The following ARHGAP44 variants were observed in gnomAD, a reference collection of about 807,000 sequenced individuals.
ARHGAP44 encodes the protein rho GTPase-activating protein 44.
A neutral mutation model predicts 106.8 loss-of-function variants in ARHGAP44; 43 were observed. The observed-to-expected ratio is 0.40, with a 90% CI of 0.32 to 0.52. The LOEUF (loss-of-function observed/expected upper bound fraction) is 0.52, where lower values mean the gene tolerates loss of function less well. Ranked by LOEUF, ARHGAP44 falls within the 20% of genes least tolerant of loss-of-function variation. The probability of loss-of-function intolerance (pLI) is 0.48; values close to 1 mark genes in which losing one functional copy is unlikely to be tolerated. For missense variants in ARHGAP44, 866 were observed against 1,050.5 expected, an observed-to-expected ratio of 0.82 and a Z score of 2.43; for synonymous variants, 439 against 410.3, an observed-to-expected ratio of 1.07 and a Z score of -0.85.
At chr17:12,963,504 T>G (rs1180491014) in intron 16 of ARHGAP44, among the ~76,000 whole-genome samples, 2 of 152,244 alleles carry the variant, frequency 1.3e-5, no homozygotes, top group African/African-American at 4.8e-5. Context: ...TTCTGGAGTC[T>G]TCAACCCAAG....
chr17:12,910,164 T>C (rs2037682006), intron 4 of ARHGAP44, among the ~76,000 whole-genome samples: 1 of 151,912 alleles, frequency 6.6e-6, no homozygotes. Context: ...TAGTTAAGGC[T>C]ACATGAAATA....
Position 12,990,019 on chromosome 17 carries a change from T to C in ARHGAP44, c.2318-13T>C. 1 of 1,594,882 alleles carries C rather than the reference T, an allele frequency of 6.3e-7. No homozygotes were observed. Among genetic ancestry groups the C allele is most frequent in the Non-Finnish European group, 8.6e-7 (1 of 1,163,730 alleles). The stretch of plus-strand genomic sequence containing the variant: ...GCCTCCTTTCAACCACCTCTCTCTC[T>C]GCCGCCTTCCAGATCTTGTCCACTT... On this transcript the variant is annotated splice_polypyrimidine_tract_variant and intron_variant, in intron 20 of 20. Coordinates refer to ENST00000379672, the MANE Select transcript of ARHGAP44 (RefSeq NM_014859.6).
intron 19 of ARHGAP44, among the ~76,000 whole-genome samples, chr17:12,984,143 G>T (rs1156582621): frequency 1.3e-5 from 2 of 152,140 alleles, no homozygotes; most frequent in African/African-American, 4.8e-5. Flanking sequence ...GCTGGACCCT[G>T]CCCCACTGAC....
intron 4 of ARHGAP44, among the ~76,000 whole-genome samples, chr17:12,914,652 C>T (rs1017387378): frequency 6.6e-5 from 10 of 151,932 alleles, no homozygotes; most frequent in South Asian, 2.1e-4. Context: ...AAAAATTAGC[C>T]GGGTGTGGTG....
Position 12,939,661 on chromosome 17 carries a change from T to C in ARHGAP44, c.583-1395T>C, listed in dbSNP as rs537969990. Among the ~76,000 whole-genome samples the C allele has an allele frequency of 1.6e-4, 25 of 152,126 alleles. No individual in the cohort carries two copies. The South Asian group carries it at 5.2e-3, about 32-fold the overall frequency. ...TTTGTATTTTTTAGTAGAGACGGGG[T>C]TTCACCGTGTTAGCCAGGATGGTCT... On this transcript the variant is annotated intron_variant, in intron 7 of 20. Transcript: ENST00000379672.
chr17:12,960,906 A>C (rs2039246660), intron 16 of ARHGAP44, among the ~76,000 whole-genome samples: 2 of 152,190 alleles, frequency 1.3e-5, no homozygotes, highest in South Asian at 4.1e-4. Context: ...ACATACTTAG[A>C]ATCTGCGAGT....
At chr17:12,912,759 T>C (rs934117302) in intron 4 of ARHGAP44, among the ~76,000 whole-genome samples, 1 of 152,210 alleles carries the variant, frequency 6.6e-6, no homozygotes. Flanking sequence ...TATTAAGCAG[T>C]GCCTTTAAAA....
intron 1 of ARHGAP44, among the ~76,000 whole-genome samples, chr17:12,872,188 G>A (rs2036425309): frequency 6.6e-6 from 1 of 152,012 alleles, no homozygotes; most frequent in African/African-American, 2.4e-5. Flanking sequence ...TTTTTTGCCT[G>A]CAATTTTATG....
rs1476822747 is a variant in ARHGAP44 at position 12,949,257 on chromosome 17, C to T, written c.973+6C>T. On this transcript the variant is annotated splice_donor_region_variant and intron_variant, in intron 11 of 20. Coordinates refer to ENST00000379672, the MANE Select transcript of ARHGAP44 (RefSeq NM_014859.6). The surrounding 1 kb of genome is among the most constrained non-coding windows in gnomAD (Gnocchi z 4.1). ...AGACCCCCACGCAATTGCAGGTGGG[C>T]ACCTCTCAGCGCTCCTGTGTGCCAT... 1.3e-6 allele frequency: 2 copies of T among 1,552,918 alleles called. No individual in the cohort carries two copies. Among genetic ancestry groups the T allele is most frequent in the Non-Finnish European group, 1.7e-6 (2 of 1,148,108 alleles).
chr17:12,935,312 G>A (rs748113231), intron 7 of ARHGAP44, among the ~76,000 whole-genome samples: 99 of 152,132 alleles, frequency 6.5e-4, no homozygotes, highest in Non-Finnish European at 1.0e-3. Flanking sequence ...GGTGGCTCAC[G>A]CCTGTAATCC....
chr17:12,943,387 C>A (rs2038756713), intron 8 of ARHGAP44, among the ~76,000 whole-genome samples: 1 of 152,192 alleles, frequency 6.6e-6, no homozygotes, highest in South Asian at 2.1e-4. Context: ...CTCCTGCTTC[C>A]CAAGTTTCCA....
chr17:12,914,631 C>G (rs2322707), intron 4 of ARHGAP44, among the ~76,000 whole-genome samples: 78,663 of 151,326 alleles, frequency 0.52, 22,010 homozygotes, highest in Non-Finnish European at 0.62. Flanking sequence ...CCCATGTCTA[C>G]TAAAAATACA....
chr17:12,943,484 T>G, intron 8 of ARHGAP44, 104 bp from the exon 9 acceptor site: 1 of 975,788 alleles, frequency 1.0e-6, no homozygotes, highest in Non-Finnish European at 1.6e-6. Flanking sequence ...GGTGACTACC[T>G]CCTTCCGCAT....
chr17:12,896,590 T>C, intron 3 of ARHGAP44, 79 bp downstream of exon 3: 1 of 1,250,846 alleles, frequency 8.0e-7, no homozygotes, highest in Non-Finnish European at 1.1e-6. Context: ...CACTCCTGGA[T>C]GTAGCTGTTT....
intron 1 of ARHGAP44, among the ~76,000 whole-genome samples, chr17:12,879,473 A>G (rs892934498): frequency 3.3e-5 from 5 of 152,028 alleles, no homozygotes; most frequent in African/African-American, 1.2e-4. Flanking sequence ...TTTTCCTCTG[A>G]GTAGATACCC....
At chr17:12,879,323 G>T (rs2036648161) in intron 1 of ARHGAP44, among the ~76,000 whole-genome samples, 1 of 152,166 alleles carries the variant, frequency 6.6e-6, no homozygotes, top group African/African-American at 2.4e-5. Flanking sequence ...TCATGGCTGA[G>T]TAGTATTCCA....
At chr17:12,939,763 G>A (rs2038655724) in intron 7 of ARHGAP44, among the ~76,000 whole-genome samples, 1 of 152,228 alleles carries the variant, frequency 6.6e-6, no homozygotes, top group Non-Finnish European at 1.5e-5. Flanking sequence ...ACCACGCCCG[G>A]CCAATGAATC....
At chr17:12,935,894 C>T (rs2038533954) in intron 7 of ARHGAP44, among the ~76,000 whole-genome samples, 1 of 152,030 alleles carries the variant, frequency 6.6e-6, no homozygotes, top group South Asian at 2.1e-4. Flanking sequence ...AAAAATAAGC[C>T]AAACAAATCA....
intron 4 of ARHGAP44, among the ~76,000 whole-genome samples, chr17:12,910,124 A>G (rs1168209166): frequency 1.3e-5 from 2 of 152,214 alleles, no homozygotes; most frequent in Admixed American, 1.3e-4. Flanking sequence ...TTTGAAGAAG[A>G]TACTACCTGC....
Sources: gnomAD v4.1 joint callset for allele counts (sites outside exome capture counted in the v4.1 genomes callset) on GRCh38, gnomAD v4.1.1 for gene constraint, Gnocchi (gnomAD v3.1) non-coding constraint, MANE v1.5 for transcripts, NCBI Gene and HGNC (gene_info 2026-07-23, HGNC 2026-07-21) for gene names.